Variants in CEP83 observed in about 807,000 individuals in gnomAD.
CEP83 encodes the protein centrosomal protein 83, also known as centrosomal protein of 83 kDa.
A neutral mutation model predicts 101.9 loss-of-function variants in CEP83; 70 were observed. The observed-to-expected ratio is 0.69, with a 90% CI of 0.57 to 0.84. The LOEUF is 0.84. Among genes scored for constraint, CEP83 ranks in the 40% least tolerant of loss-of-function variants. The pLI is 0.00. For missense variants in CEP83, 715 were observed against 787.2 expected, an observed-to-expected ratio of 0.91 and a Z score of 1.10; for synonymous variants, 264 against 267.9, an observed-to-expected ratio of 0.99 and a Z score of 0.14.
At chr12:94,453,459 A>G (rs1389748971) in intron 1 of CEP83, among the ~76,000 whole-genome samples, 1 of 152,218 alleles carries the variant, frequency 6.6e-6, no homozygotes, top group Non-Finnish European at 1.5e-5. Context: ...ACATGCCCCA[A>G]AACACATTCT....
chr12:94,395,369 T>TA (rs199629590), intron 6 of CEP83, among the ~76,000 whole-genome samples: 44,264 of 148,926 alleles, frequency 0.3, 6,736 homozygotes, highest in Non-Finnish European at 0.35. Context: ...AGTAACAAAT[T>TA]AAAAAAAAAA....
At chr12:94,336,864 T>C (rs1281695364) in intron 11 of CEP83, among the ~76,000 whole-genome samples, 2 of 152,004 alleles carry the variant, frequency 1.3e-5, no homozygotes, top group Non-Finnish European at 2.9e-5. Context: ...GTGGTCTCAC[T>C]ATATTGCCTA....
At chr12:94,286,142 T>C in the CEP83 span, among the ~76,000 whole-genome samples, 1 of 152,356 alleles carries the variant, frequency 6.6e-6, no homozygotes, top group Non-Finnish European at 1.5e-5. Context: ...TAATCCGGCC[T>C]GTAGTCACTT....
intron 7 of CEP83, among the ~76,000 whole-genome samples, chr12:94,376,690 TACACACACAC>T (rs533315599): frequency 4.0e-4 from 47 of 117,390 alleles, no homozygotes; most frequent in East Asian, 9.7e-4. Context: ...TATACATATA[TACACACACAC>T]ACACACACAC....
In CEP83 at chr12:94,400,887, C is replaced by T. The variant is rs779396873; in HGVS notation, c.512G>A (p.Arg171His). ...EFEHQKEEYA[R>H]ILDEGKIKYE... ...TTTTATTTTTCCTTCATCTAAAATA[C>T]GTGCATACTCTTCCTTCTGGTGTTC... The change falls in exon 6 of 17, where the codon CGT (arginine) becomes CAT (histidine). Residue 171 changes from arginine to histidine, a missense_variant. Physicochemically the swap from Arg to His is conservative, Grantham distance 29. Coordinates refer to ENST00000397809, the MANE Select transcript of CEP83 (RefSeq NM_016122.3). 2.5e-5 allele frequency: 37 copies of T among 1,490,098 alleles called. No homozygotes were observed. Among genetic ancestry groups the T allele is most frequent in the Admixed American group, 4.2e-5 (2 of 47,104 alleles). The allele number at this position is 1,490,098 out of a possible 1,614,324, so 92.3% of individuals were successfully genotyped here.
Position 94,411,733 on chromosome 12 carries a change from T to A in CEP83, c.288A>T (p.Val96=), listed in dbSNP as rs2063895518. 6.2e-7 allele frequency: 1 copy of A among 1,609,110 alleles called. No homozygotes were observed. Among genetic ancestry groups the A allele is most frequent in the African/African-American group, 1.3e-5 (1 of 74,730 alleles). The change falls in exon 4 of 17, where the codon GTA becomes GTT. Residue 96 remains valine, a synonymous_variant. Coordinates refer to ENST00000397809, the MANE Select transcript of CEP83 (RefSeq NM_016122.3). ...TTTCTTCTAAATCTTTAGTTTTCTC[T>A]ACTAATTCTCCTCTTAGTTCTTCAA... ...LLLEELRGEL[V]EKTKDLEEMK... is the part of the protein sequence containing the mutation.
intron 4 of CEP83, among the ~76,000 whole-genome samples, chr12:94,410,989 TTAA>T (rs1165711843): frequency 6.6e-6 from 1 of 152,192 alleles, no homozygotes; most frequent in East Asian, 1.9e-4. Context: ...GACTCTAATA[TTAA>T]TAATACCTTA....
chr12:94,392,188 T>C (rs1411970254), intron 6 of CEP83, among the ~76,000 whole-genome samples: 1 of 152,190 alleles, frequency 6.6e-6, no homozygotes, highest in Admixed American at 6.5e-5. Context: ...AGAACATACA[T>C]TCTTCTCAGC....
intron 1 of CEP83, among the ~76,000 whole-genome samples, chr12:94,442,165 A>T (rs2066460764): frequency 6.6e-6 from 1 of 152,144 alleles, no homozygotes; most frequent in African/African-American, 2.4e-5. Flanking sequence ...CATAAAAAGG[A>T]ATGAAATAAT....
chr12:94,408,445 T>C lies in CEP83; in HGVS notation c.324+3252A>G, dbSNP rs144489108. Among the ~76,000 whole-genome samples, 334 of 152,274 alleles carry C rather than the reference T, an allele frequency of 2.2e-3. 1 individual carries two copies. Among genetic ancestry groups the C allele is most frequent in the African/African-American group, 7.6e-3 (314 of 41,544 alleles). The stretch of plus-strand genomic sequence containing the variant: ...AGTTTTCATTAGCACAAAAAGAGTA[T>C]ATTAATCATTGGTAAAGTAATTTCC... On this transcript the variant is annotated intron_variant, in intron 4 of 16. Transcript: ENST00000397809.
At chr12:94,292,616 A>G in the CEP83 span, among the ~76,000 whole-genome samples, 2 of 152,250 alleles carry the variant, frequency 1.3e-5, no homozygotes, top group East Asian at 3.8e-4. Context: ...TTGCATACAC[A>G]TAATGAAATA....
chr12:94,335,653 T>C lies in CEP83; in HGVS notation c.1355A>G (p.Gln452Arg), dbSNP rs1157574941. The change falls in exon 12 of 17, where the codon CAG (glutamine) becomes CGG (arginine). Residue 452 changes from glutamine to arginine, a missense_variant. Coordinates refer to ENST00000397809, the MANE Select transcript of CEP83 (RefSeq NM_016122.3). Reference sequence around the variant, plus strand: ...ATTTTCAATAGTCACAATTTGTTGCTGAAGTTTTAACCTAAAAATCACAAC... The same window carrying C: ...ATTTTCAATAGTCACAATTTGTTGCCGAAGTTTTAACCTAAAAATCACAAC... ...KELQSVRLKL[Q>R]QQIVTIENAE... 1 of 1,583,386 alleles carries C rather than the reference T, an allele frequency of 6.3e-7. No homozygotes were observed. The highest frequency in any genetic ancestry group is 8.6e-7 in the Non-Finnish European group (1 of 1,163,874).
At chr12:94,322,155 C>T (rs2058775169) in intron 14 of CEP83, among the ~76,000 whole-genome samples, 3 of 152,086 alleles carry the variant, frequency 2.0e-5, no homozygotes, top group South Asian at 2.1e-4. Context: ...GACCCACATA[C>T]AAAAGCCGTC....
chr12:94,433,290 T>C (rs1012098949), intron 2 of CEP83, among the ~76,000 whole-genome samples: 8 of 151,862 alleles, frequency 5.3e-5, no homozygotes, highest in Admixed American at 2.0e-4. Context: ...GGAGGAAGAA[T>C]AGAAGAAAGA....
At chr12:94,302,562 A>G (rs1487117480), downstream of CEP83, among the ~76,000 whole-genome samples, 3 of 152,190 alleles carry the variant, frequency 2.0e-5, no homozygotes, top group Non-Finnish European at 4.4e-5. Flanking sequence ...TTCACACTAA[A>G]AACAGTTGTT....
At chr12:94,337,255 T>G (rs1206324555) in intron 11 of CEP83, among the ~76,000 whole-genome samples, 2 of 152,120 alleles carry the variant, frequency 1.3e-5, no homozygotes, top group Admixed American at 1.3e-4. Flanking sequence ...TTCATTAAAA[T>G]ATGAAAGGAT....
At chr12:94,422,288 G>A (rs2064820284) in intron 2 of CEP83, among the ~76,000 whole-genome samples, 1 of 152,198 alleles carries the variant, frequency 6.6e-6, no homozygotes, top group Admixed American at 6.5e-5. Context: ...TCCTTTGTTT[G>A]TATGTGCTCT....
chr12:94,424,462 A>G (rs2065028627), intron 2 of CEP83: 4 of 1,613,998 alleles, frequency 2.5e-6, no homozygotes, highest in Non-Finnish European at 2.5e-6. Context: ...TCCCACTGGT[A>G]TCTCGAAGGA....
At chr12:94,414,278 TA>T (rs1420160215) in intron 2 of CEP83, among the ~76,000 whole-genome samples, 2 of 152,236 alleles carry the variant, frequency 1.3e-5, no homozygotes, top group African/African-American at 4.8e-5. Flanking sequence ...ATTCAATTTT[TA>T]CTCTACTGTG....
Sources: allele counts gnomAD v4.1 joint callset (sites outside exome capture counted in the v4.1 genomes callset), GRCh38; gene constraint gnomAD v4.1.1; transcripts MANE v1.5; gene names NCBI Gene and HGNC (gene_info 2026-07-23, HGNC 2026-07-21).